The following BIN2 variants were observed in gnomAD, a reference collection of about 807,000 sequenced individuals.
The protein encoded by BIN2 is breast cancer associated protein BRAP1.
In BIN2, 43 loss-of-function variants were observed where a neutral mutation model predicts 67.9. The observed-to-expected ratio is 0.63, with a 90% CI of 0.50 to 0.82. The LOEUF (loss-of-function observed/expected upper bound fraction) is 0.82. BIN2 is among the 40% of genes least tolerant of loss of function. BIN2 has a pLI of 0.00. For synonymous variants in BIN2, 244 were observed against 246.8 expected (o/e 0.99, Z 0.11); for missense variants, 581 against 671.6 (o/e 0.87, Z 1.49).
rs142315609 is a variant in BIN2 at position 51,291,512 on chromosome 12, CAGCCTGGA to C, written c.1515+71_1515+78del. ...GAGCTGTGATCGCACCACTACACTC[CAGCCTGGA>C]CGCCTGAGTGAGACCCTAGCTTAAA... On this transcript the variant is annotated intron_variant, in intron 10 of 12. Coordinates refer to ENST00000615107, the MANE Select transcript of BIN2 (RefSeq NM_016293.4). The C allele has an allele frequency of 2.4e-3, 3,389 of 1,406,412 alleles. 78 individuals are homozygous for C. The African/African-American group carries it at 0.045, about 19-fold the overall frequency. 87.1% of individuals were successfully genotyped at this position (1,406,412 alleles called of 1,614,324 possible). A position where few individuals can be genotyped will look rare whatever the true frequency, so the allele number is the denominator to read the frequency against.
intron 1 of BIN2, among the ~76,000 whole-genome samples, chr12:51,316,729 A>T (rs2137439557): frequency 6.6e-6 from 1 of 152,200 alleles, no homozygotes; most frequent in Non-Finnish European, 1.5e-5. Flanking sequence ...CAAGTATCTT[A>T]CAAAACCCAG....
Position 51,288,115 on chromosome 12 carries a change from G to C in BIN2, c.1589C>G (p.Ser530Cys). 6.2e-7 allele frequency: 1 copy of C among 1,612,386 alleles called. No homozygotes were observed. Among genetic ancestry groups the C allele is most frequent in the Non-Finnish European group, 8.5e-7 (1 of 1,178,490 alleles). ...EKDNKLISAN[S>C]SEGQDQLQVS... is the part of the protein sequence containing the mutation. The stretch of plus-strand genomic sequence containing the variant: ...GACTTAGGCTTTTAGTACCTCCGAG[G>C]AGTTAGCTGAGATAAGCTTATTATC... Residue 530 changes from serine to cysteine, a missense_variant, in exon 11 of 13, where the codon TCC becomes TGC. Physicochemically the swap from Ser to Cys is moderately radical, Grantham distance 112 (BLOSUM62 -1). Transcript: ENST00000615107.
At chr12:51,306,290 C>T (rs1300854342) in intron 2 of BIN2, among the ~76,000 whole-genome samples, 1 of 152,160 alleles carries the variant, frequency 6.6e-6, no homozygotes, top group African/African-American at 2.4e-5. Context: ...TGATTGTGTG[C>T]TGTGTTACAG....
In BIN2 at chr12:51,288,139, T is replaced by C; in HGVS notation, c.1565A>G (p.Asp522Gly). 3 of 1,613,966 alleles carry C rather than the reference T, an allele frequency of 1.9e-6. No homozygotes were observed. The highest frequency in any genetic ancestry group is 2.5e-6 in the Non-Finnish European group (3 of 1,179,836). ...GGAGTTAGCTGAGATAAGCTTATTATCCTTTTCCTTGTCTTCCATCTTCTT... is the reference window on the plus strand; with the variant it reads ...GGAGTTAGCTGAGATAAGCTTATTACCCTTTTCCTTGTCTTCCATCTTCTT... ...EAKKMEDKEK[D>G]NKLISANSSE... Residue 522 changes from aspartate (D) to glycine (G), a missense_variant, in exon 11 of 13, where the codon GAT (aspartate) becomes GGT (glycine). Coordinates refer to ENST00000615107, the MANE Select transcript of BIN2 (RefSeq NM_016293.4).
At chr12:51,310,455 C>CT (rs2137422266) in intron 2 of BIN2, among the ~76,000 whole-genome samples, 1 of 152,238 alleles carries the variant, frequency 6.6e-6, no homozygotes, top group Admixed American at 6.5e-5. Flanking sequence ...AATTTGGACA[C>CT]TGACAGGATA....
At chr12:51,311,848 T>G (rs1437314154) in intron 2 of BIN2, among the ~76,000 whole-genome samples, 2 of 152,128 alleles carry the variant, frequency 1.3e-5, no homozygotes, top group African/African-American at 2.4e-5. Context: ...CTTGGCTCAC[T>G]GCAACTTCCG....
Position 51,291,602 on chromosome 12 carries a change from T to C in BIN2, c.1504A>G (p.Met502Val). The C allele has an allele frequency of 6.2e-7, 1 of 1,601,226 alleles. No individual in the cohort carries two copies. The highest frequency in any genetic ancestry group is 1.1e-5 in the South Asian group (1 of 90,024). Residue 502 changes from methionine to valine, a missense_variant, in exon 10 of 13, where the codon ATG becomes GTG. Coordinates refer to ENST00000615107, the MANE Select transcript of BIN2 (RefSeq NM_016293.4). The part of the protein sequence containing the change: ...PEELCTSPTL[M>V]TSQVASEPGE... ...AGAACTACTCTTACCTGAGATGTCA[T>C]TAAGGTGGGGGAAGTACAAAGTTCT...
chr12:51,288,590 G>C (rs1245399187), intron 10 of BIN2, among the ~76,000 whole-genome samples: 1 of 151,910 alleles, frequency 6.6e-6, no homozygotes, highest in Non-Finnish European at 1.5e-5. Flanking sequence ...AGGGTATTTT[G>C]TTTTGTTCAC....
At chr12:51,323,958 GC>G (rs1946360324) in intron 1 of BIN2, 63 bp downstream of exon 1, 9 of 1,586,934 alleles carry the variant, frequency 5.7e-6, no homozygotes, top group Middle Eastern at 3.5e-4. Context: ...CTCCTGCCCG[GC>G]CGGGCTCGGC....
intron 2 of BIN2, among the ~76,000 whole-genome samples, chr12:51,306,273 A>G (rs935804549): frequency 1.6e-4 from 24 of 152,354 alleles, no homozygotes; most frequent in Admixed American, 8.5e-4. Context: ...AGACAGGTAC[A>G]GAACTGTGAT....
chr12:51,308,987 A>G (rs775704841), intron 2 of BIN2, among the ~76,000 whole-genome samples: 4 of 151,886 alleles, frequency 2.6e-5, no homozygotes, highest in Non-Finnish European at 5.9e-5. Flanking sequence ...AAAACAAAAA[A>G]GAAAAGAAAT....
chr12:51,282,883 C>T (rs1945147344), intron 12 of BIN2, among the ~76,000 whole-genome samples: 1 of 151,822 alleles, frequency 6.6e-6, no homozygotes, highest in South Asian at 2.1e-4. Flanking sequence ...GGATTACTGG[C>T]ATGAACCACC....
chr12:51,324,364 G>C (rs993911553), upstream of BIN2: 2 of 1,301,634 alleles, frequency 1.5e-6, no homozygotes, highest in East Asian at 2.8e-5. Flanking sequence ...ACCCCTGCCC[G>C]AAACCTCGGC....
At chr12:51,283,878 C>T (rs552677621) in intron 12 of BIN2, among the ~76,000 whole-genome samples, 35 of 151,606 alleles carry the variant, frequency 2.3e-4, no homozygotes, top group Admixed American at 7.3e-4. Context: ...CCTGTAATCC[C>T]AGCTACTCAG....
intron 1 of BIN2, among the ~76,000 whole-genome samples, chr12:51,316,216 C>T (rs915852789): frequency 2.0e-5 from 3 of 151,938 alleles, no homozygotes; most frequent in Non-Finnish European, 2.9e-5. Flanking sequence ...ATGGGCTAGG[C>T]GCGGTGGCTC....
intron 4 of BIN2, chr12:51,302,346 C>T (rs1945747913): frequency 3.7e-6 from 2 of 541,960 alleles, no homozygotes; most frequent in Non-Finnish European, 6.6e-6. Context: ...GGCACAAGGT[C>T]AAAGCCTTGG....
intron 10 of BIN2, among the ~76,000 whole-genome samples, chr12:51,290,912 G>GA (rs1419300707): frequency 6.6e-6 from 1 of 150,536 alleles, no homozygotes; most frequent in African/African-American, 2.4e-5. Flanking sequence ...CATCCTGGGC[G>GA]ACAGAGCGAG....
intron 1 of BIN2, among the ~76,000 whole-genome samples, chr12:51,320,184 T>A: frequency 6.6e-6 from 1 of 152,168 alleles, no homozygotes; most frequent in East Asian, 1.9e-4. Flanking sequence ...TTTCGCCACA[T>A]TGGCCAGCCT....
chr12:51,281,577 A>G lies in BIN2; in HGVS notation c.1669-49T>C, dbSNP rs754768423. On this transcript the variant is annotated intron_variant, in intron 12 of 12. Transcript: ENST00000615107. ...TAGGTGTTGACCTGCCTTCCCACCA[A>G]CCACTTATGGAGGGGTTAAACTCAG... 35 of 1,593,712 alleles carry G rather than the reference A, an allele frequency of 2.2e-5. No homozygotes were observed. The Admixed American group carries it at 5.8e-4, about 27-fold the overall frequency.
Sources: allele counts gnomAD v4.1 joint callset (sites outside exome capture counted in the v4.1 genomes callset), GRCh38; gene constraint gnomAD v4.1.1; transcripts MANE v1.5; gene names NCBI Gene and HGNC (gene_info 2026-07-23, HGNC 2026-07-21).